The following DIP2C variants were observed in gnomAD, a reference collection of about 807,000 sequenced individuals.
DIP2C encodes disco-interacting protein 2 homolog C.
Under a neutral mutation model 192.4 loss-of-function variants are expected in DIP2C, and 33 were observed. The ratio of observed to expected loss-of-function variants is 0.17; its 90% CI spans 0.13 to 0.23. DIP2C has a LOEUF of 0.23. Ranked by LOEUF, DIP2C falls within the 10% of genes least tolerant of loss-of-function variation. DIP2C has a pLI of 1.00. For missense variants in DIP2C, 1,537 were observed against 2,110.1 expected, an observed-to-expected ratio of 0.73 and a Z score of 5.32; for synonymous variants, 979 against 864.1, an observed-to-expected ratio of 1.13 and a Z score of -2.33.
intron 6 of DIP2C, 101 bp downstream of exon 6, chr10:418,964 G>C (rs11252313): frequency 6.5e-7 from 1 of 1,544,318 alleles, no homozygotes; most frequent in South Asian, 1.2e-5. Context: ...TGTCAGAACC[G>C]ATTGTACCCC....
chr10:683,614 G>C (rs899621367), intron 1 of DIP2C, among the ~76,000 whole-genome samples: 1 of 152,156 alleles, frequency 6.6e-6, no homozygotes, highest in Non-Finnish European at 1.5e-5. Context: ...ACACCCATTT[G>C]CCAAACAGCC....
Position 547,574 on chromosome 10 carries a change from G to C in DIP2C, c.86-61044C>G, listed in dbSNP as rs560182278. On this transcript the variant is annotated intron_variant, in intron 1 of 36. Transcript: ENST00000280886. ...GGAGGAAGGGAGGGTGGAGAAAAAGGGGCTGGAACAGTCTCTGTCATGAGC... is the reference window on the plus strand; with the variant it reads ...GGAGGAAGGGAGGGTGGAGAAAAAGCGGCTGGAACAGTCTCTGTCATGAGC... 2.0e-5 allele frequency among the ~76,000 whole-genome samples: 3 copies of C among 152,248 alleles called. No homozygotes were observed. In the East Asian group the frequency reaches 5.8e-4, roughly 29 times the overall value.
At position 689,250 on chromosome 10, in the gene DIP2C, C is replaced by T. The variant is rs1254176266; in HGVS notation, c.85+244G>A. 6.6e-6 allele frequency among the ~76,000 whole-genome samples: 1 copy of T among 151,562 alleles called. No individual in the cohort carries two copies. Among genetic ancestry groups the T allele is most frequent in the East Asian group, 2.0e-4 (1 of 5,078 alleles). On this transcript the variant is annotated intron_variant, in intron 1 of 36. Transcript: ENST00000280886. This position sits in a 1 kb window ranked among gnomAD's most constrained non-coding sequence, Gnocchi z 6.1. ...GCGAGGGGATCCCAGGCCCCACAGACACCCCCAGGGCGCGGGGAATCGCGG... is the reference window on the plus strand; with the variant it reads ...GCGAGGGGATCCCAGGCCCCACAGATACCCCCAGGGCGCGGGGAATCGCGG...
At chr10:365,093 G>A (rs887625923) in intron 19 of DIP2C, 14 of 479,916 alleles carry the variant, frequency 2.9e-5, no homozygotes, top group South Asian at 6.3e-5. Context: ...CTCCACCCTT[G>A]CAGATAAACC....
intron 14 of DIP2C, among the ~76,000 whole-genome samples, chr10:387,503 G>A (rs1963057543): frequency 7.3e-6 from 1 of 137,286 alleles, no homozygotes; most frequent in Non-Finnish European, 1.6e-5. Flanking sequence ...CGGCGGGGGG[G>A]CGACTCCTGT....
intron 2 of DIP2C, among the ~76,000 whole-genome samples, chr10:484,499 T>C (rs1001125458): frequency 2.0e-5 from 3 of 151,756 alleles, no homozygotes; most frequent in African/African-American, 7.2e-5. Context: ...TTGTCACGCA[T>C]TCTTCTTAAG....
intron 1 of DIP2C, among the ~76,000 whole-genome samples, chr10:530,718 A>C (rs963076387): frequency 2.0e-5 from 3 of 151,924 alleles, no homozygotes; most frequent in Non-Finnish European, 4.4e-5. Flanking sequence ...TAATACAATA[A>C]ATTACTATGT....
intron 1 of DIP2C, 54 bp from the exon 2 acceptor site, chr10:486,584 C>G: frequency 1.4e-6 from 2 of 1,443,302 alleles, no homozygotes; most frequent in South Asian, 2.7e-5. Flanking sequence ...AGAGCATTAT[C>G]ATTCAACGGT....
chr10:368,533 G>A (rs1221313962), intron 18 of DIP2C, among the ~76,000 whole-genome samples: 2 of 152,160 alleles, frequency 1.3e-5, no homozygotes, highest in South Asian at 2.1e-4. Context: ...GGGAAGCCAC[G>A]GGCTGCCTTC....
intron 9 of DIP2C, among the ~76,000 whole-genome samples, chr10:405,195 C>T (rs1199790863): frequency 5.3e-5 from 8 of 152,254 alleles, no homozygotes; most frequent in Non-Finnish European, 8.8e-5. Context: ...GTCATCCCCA[C>T]GGCCAGACGG....
At chr10:434,483 G>A (rs947399697) in intron 4 of DIP2C, among the ~76,000 whole-genome samples, 17 of 152,150 alleles carry the variant, frequency 1.1e-4, no homozygotes, top group African/African-American at 3.6e-4. Flanking sequence ...ACGTTGCCCA[G>A]GCTGGTCTCA....
chr10:358,952 GCTA>G (rs1959191986), intron 22 of DIP2C, among the ~76,000 whole-genome samples: 1 of 151,948 alleles, frequency 6.6e-6, no homozygotes, highest in African/African-American at 2.4e-5. Context: ...TGGTTTGAAG[GCTA>G]CTATTAAATC....
chr10:507,682 C>T (rs1228096386), intron 1 of DIP2C, among the ~76,000 whole-genome samples: 2 of 152,158 alleles, frequency 1.3e-5, no homozygotes, highest in Non-Finnish European at 2.9e-5. Flanking sequence ...TCTTTGAAAA[C>T]GATACATATG....
At chr10:683,371 C>A (rs1831199139) in intron 1 of DIP2C, among the ~76,000 whole-genome samples, 1 of 152,212 alleles carries the variant, frequency 6.6e-6, no homozygotes, top group South Asian at 2.1e-4. Context: ...TCATCACCAA[C>A]AAATGGATGC....
chr10:364,548 C>G lies in DIP2C; in HGVS notation c.2303G>C (p.Ser768Thr). 6.2e-7 allele frequency: 1 copy of G among 1,614,198 alleles called. No homozygotes were observed. The highest frequency in any genetic ancestry group is 8.5e-7 in the Non-Finnish European group (1 of 1,180,030). The change falls in exon 20 of 37, where the codon AGT becomes ACT. Residue 768 changes from serine to threonine, a missense_variant. By Grantham distance (58) the Ser-to-Thr change is moderately conservative. This residue lies in a region of DIP2C where 677 missense variants were observed against 989.9 expected (regional missense o/e 0.68). Transcript: ENST00000280886. ...GCCTGTCCTTATGAATGGGTATTCACTGATCGGAGCCCCGGAGCTTGTCAT... is the reference window on the plus strand; with the variant it reads ...GCCTGTCCTTATGAATGGGTATTCAGTGATCGGAGCCCCGGAGCTTGTCAT... The part of the protein sequence containing the change: ...FPMTSSGAPI[S>T]EYPFIRTGLL...
chr10:455,009 C>G (rs976265797), intron 3 of DIP2C, among the ~76,000 whole-genome samples: 3 of 152,194 alleles, frequency 2.0e-5, no homozygotes, highest in Middle Eastern at 3.2e-3. Context: ...ACCAAGCTCA[C>G]AGCATTACAC....
chr10:308,535 G>T (rs1156876165), intron 32 of DIP2C, among the ~76,000 whole-genome samples: 2 of 152,224 alleles, frequency 1.3e-5, no homozygotes, highest in Non-Finnish European at 2.9e-5. Context: ...GGGGAGTCAG[G>T]TGAATTTGTT....
intron 1 of DIP2C, among the ~76,000 whole-genome samples, chr10:559,731 T>TGCACAAGCCC (rs1477346234): frequency 6.6e-6 from 1 of 152,112 alleles, no homozygotes. Context: ...TCTTGCACCA[T>TGCACAAGCCC]GCACAAGCCC....
intron 24 of DIP2C, among the ~76,000 whole-genome samples, chr10:350,589 A>T (rs1958743078): frequency 6.6e-6 from 1 of 150,500 alleles, no homozygotes; most frequent in African/African-American, 2.4e-5. Context: ...TGGGGTCAGG[A>T]AGACTGCAGA....
Sources: gnomAD v4.1 joint callset for allele counts (sites outside exome capture counted in the v4.1 genomes callset) on GRCh38, gnomAD v4.1.1 for gene constraint, gnomAD v4.1.1 regional missense constraint, Gnocchi (gnomAD v3.1) non-coding constraint, MANE v1.5 for transcripts, NCBI Gene and HGNC (gene_info 2026-07-23, HGNC 2026-07-21) for gene names.